MFSD6: variants seen among roughly 807,000 people sequenced by gnomAD.
The protein encoded by MFSD6 is major facilitator superfamily domain containing 6.
Under a neutral mutation model 56.3 loss-of-function variants are expected in MFSD6, and 26 were observed. That is an observed-to-expected ratio of 0.46 (90% CI 0.34 to 0.64). MFSD6 has a LOEUF of 0.64. Ranked by LOEUF, MFSD6 falls within the 30% of genes least tolerant of loss-of-function variation. The probability of loss-of-function intolerance (pLI) is 0.01; values close to 1 mark genes in which losing one functional copy is unlikely to be tolerated. For missense variants in MFSD6, 750 were observed against 986.2 expected, an observed-to-expected ratio of 0.76 and a Z score of 3.21; for synonymous variants, 331 against 366.9, an observed-to-expected ratio of 0.90 and a Z score of 1.12.
rs1350689807 is a variant in MFSD6, at chr2:190,494,880, C to T, written c.1892-2559C>T. On this transcript the variant is annotated intron_variant, in intron 6 of 7. Transcript: ENST00000392328. The surrounding 1 kb of genome is among the most constrained non-coding windows in gnomAD (Gnocchi z 5.7). ...AAATAAAAGCCATTTGTGATAAACC[C>T]ACAGCCAACATAATACTGAACAGGG... 6.6e-6 allele frequency among the ~76,000 whole-genome samples: 1 copy of T among 152,096 alleles called. No homozygotes were observed. Among genetic ancestry groups the T allele is most frequent in the African/African-American group, 2.4e-5 (1 of 41,430 alleles).
chr2:190,493,298 T>C (rs898567962), intron 6 of MFSD6, among the ~76,000 whole-genome samples: 5 of 152,282 alleles, frequency 3.3e-5, no homozygotes, highest in Admixed American at 1.3e-4. Context: ...TGACATTATA[T>C]AATGATAAAA....
At chr2:190,486,116 T>C (rs1472324644) in intron 4 of MFSD6, among the ~76,000 whole-genome samples, 2 of 152,264 alleles carry the variant, frequency 1.3e-5, no homozygotes, top group South Asian at 2.1e-4. Context: ...TTTAAGATTA[T>C]GTAGATGAGA....
At position 190,461,235 on chromosome 2, in the gene MFSD6, GTT is replaced by G. The variant is rs898177582; in HGVS notation, c.1533-8521_1533-8520del. ...ACATCACACATCATTTAATGGGTCT[GTT>G]TCTACTGCATGAAACACAGTGACTT... is the stretch of plus-strand genomic sequence containing the variant. On this transcript the variant is annotated intron_variant, in intron 3 of 7. Coordinates refer to ENST00000392328, the MANE Select transcript of MFSD6 (RefSeq NM_017694.4). This position sits in a 1 kb window ranked among gnomAD's most constrained non-coding sequence, Gnocchi z 5.5. Among the ~76,000 whole-genome samples the G allele has an allele frequency of 5.3e-4, 80 of 152,342 alleles. No individual in the cohort carries two copies. Among genetic ancestry groups the G allele is most frequent in the African/African-American group, 1.8e-3 (75 of 41,586 alleles).
rs1687774954 is a variant in MFSD6, at chr2:190,469,223, G to C, written c.1533-535G>C. Among the ~76,000 whole-genome samples the C allele has an allele frequency of 6.6e-6, 1 of 152,170 alleles. No homozygotes were observed. Among genetic ancestry groups the C allele is most frequent in the Admixed American group, 6.5e-5 (1 of 15,280 alleles). On this transcript the variant is annotated intron_variant, in intron 3 of 7. Coordinates refer to ENST00000392328, the MANE Select transcript of MFSD6 (RefSeq NM_017694.4). This position sits in a 1 kb window ranked among gnomAD's most constrained non-coding sequence, Gnocchi z 5.3. ...ATTTCCAAATAGTTTATAGTAGTTA[G>C]TGAATGATAGTTTTCAATGACCTTC... is the stretch of plus-strand genomic sequence containing the variant.
chr2:190,421,686 G>T (rs1014302968), intron 2 of MFSD6, among the ~76,000 whole-genome samples: 2 of 151,858 alleles, frequency 1.3e-5, no homozygotes, highest in Non-Finnish European at 2.9e-5. Context: ...ATCCCAAGTA[G>T]CTGGGACTGT....
rs1686063006 is a variant in MFSD6, at chr2:190,433,122, A to C, written c.-53-2855A>C. ...ATTATGACTTTTACAGTGTGTGTGT[A>C]TGTTTGGGTGTGTGTGTGTTTATTG... On this transcript the variant is annotated intron_variant, in intron 2 of 7. Coordinates refer to ENST00000392328, the MANE Select transcript of MFSD6 (RefSeq NM_017694.4). The surrounding 1 kb of genome is among the most constrained non-coding windows in gnomAD (Gnocchi z 4.5). 6.6e-6 allele frequency among the ~76,000 whole-genome samples: 1 copy of C among 151,876 alleles called. No homozygotes were observed. Among genetic ancestry groups the C allele is most frequent in the Non-Finnish European group, 1.5e-5 (1 of 67,940 alleles).
intron 2 of MFSD6, among the ~76,000 whole-genome samples, chr2:190,430,798 G>GC (rs1331734168): frequency 1.9e-3 from 226 of 121,288 alleles, no homozygotes; most frequent in African/African-American, 4.2e-3. Flanking sequence ...GGGCAGAGGC[G>GC]CCCCCCCCAC....
rs544591315 is a variant in MFSD6 at position 190,482,903 on chromosome 2, T to TTTTTTTTTTTTTTTTTTTTTG, written c.1631-5754_1631-5753insTTTTTTTTTTTTTTTTTTTTG. Among the ~76,000 whole-genome samples, 59 of 86,250 alleles carry TTTTTTTTTTTTTTTTTTTTTG rather than the reference T, an allele frequency of 6.8e-4. 24 individuals are homozygous for TTTTTTTTTTTTTTTTTTTTTG. The highest frequency in any genetic ancestry group is 8.6e-4 in the Non-Finnish European group (40 of 46,502). The allele number at this position is 86,250 out of a possible 152,430, so 56.6% of individuals were successfully genotyped here. A position where few individuals can be genotyped will look rare whatever the true frequency, so the allele number is the denominator to read the frequency against. On this transcript the variant is annotated intron_variant, in intron 4 of 7. Coordinates refer to ENST00000392328, the MANE Select transcript of MFSD6 (RefSeq NM_017694.4). ...TTTTTTTTTTTTTTTTTTTTTTTTT[T>TTTTTTTTTTTTTTTTTTTTTG]AGACGGAGTCTCACTCTGTCGCCCA...
rs1685733645 is a variant in MFSD6, at chr2:190,424,664, A to G, written c.-54+9251A>G. On this transcript the variant is annotated intron_variant, in intron 2 of 7. Coordinates refer to ENST00000392328, the MANE Select transcript of MFSD6 (RefSeq NM_017694.4). The surrounding 1 kb of genome is among the most constrained non-coding windows in gnomAD (Gnocchi z 5.9). ...TCATTATTTTTGCCCATGGATGTCTAATTACCTCAGCACCATTTGTTGAAA... is the reference window on the plus strand; with the variant it reads ...TCATTATTTTTGCCCATGGATGTCTGATTACCTCAGCACCATTTGTTGAAA... 1.3e-5 allele frequency among the ~76,000 whole-genome samples: 2 copies of G among 152,110 alleles called. No individual in the cohort carries two copies. The highest frequency in any genetic ancestry group is 2.9e-5 in the Non-Finnish European group (2 of 68,026).
rs563452197 is a variant in MFSD6 at position 190,491,017 on chromosome 2, A to G, written c.1891+1151A>G. Among the ~76,000 whole-genome samples the G allele has an allele frequency of 1.3e-5, 2 of 152,336 alleles. No individual in the cohort carries two copies. The highest frequency in any genetic ancestry group is 4.1e-4 in the South Asian group (2 of 4,826). On this transcript the variant is annotated intron_variant, in intron 6 of 7. Coordinates refer to ENST00000392328, the MANE Select transcript of MFSD6 (RefSeq NM_017694.4). This position sits in a 1 kb window ranked among gnomAD's most constrained non-coding sequence, Gnocchi z 4.2. Reference sequence around the variant, plus strand: ...ATGTAAAAGACCAATAAAAATAACTATCATGGCTCTCCCAAAGTTATAAGA... The same window carrying G: ...ATGTAAAAGACCAATAAAAATAACTGTCATGGCTCTCCCAAAGTTATAAGA...
rs1575823759 is a variant in MFSD6, at chr2:190,424,933, G to A, written c.-54+9520G>A. On this transcript the variant is annotated intron_variant, in intron 2 of 7. Coordinates refer to ENST00000392328, the MANE Select transcript of MFSD6 (RefSeq NM_017694.4). The surrounding 1 kb of genome is among the most constrained non-coding windows in gnomAD (Gnocchi z 5.9). Reference sequence around the variant, plus strand: ...TCTATATCTACAAAAATATGTTGCTGAGATTTTGATAGGAGTTGTGTTAAA... The same window carrying A: ...TCTATATCTACAAAAATATGTTGCTAAGATTTTGATAGGAGTTGTGTTAAA... Among the ~76,000 whole-genome samples, 1 of 152,124 alleles carries A rather than the reference G, an allele frequency of 6.6e-6. No individual in the cohort carries two copies. Among genetic ancestry groups the A allele is most frequent in the East Asian group, 1.9e-4 (1 of 5,198 alleles).
Position 190,438,918 on chromosome 2 carries a change from C to T in MFSD6, c.1532+1357C>T, listed in dbSNP as rs536951925. On this transcript the variant is annotated intron_variant, in intron 3 of 7. Coordinates refer to ENST00000392328, the MANE Select transcript of MFSD6 (RefSeq NM_017694.4). The surrounding 1 kb of genome is among the most constrained non-coding windows in gnomAD (Gnocchi z 5.2). ...TTTTCTTGTTGGTTTGGTTTTGCTT[C>T]GGGAGGTGGTGTTCTGTTCCTTCCC... Among the ~76,000 whole-genome samples, 4 of 152,158 alleles carry T rather than the reference C, an allele frequency of 2.6e-5. No individual in the cohort carries two copies. Among genetic ancestry groups the T allele is most frequent in the African/African-American group, 4.8e-5 (2 of 41,516 alleles).
At chr2:190,411,333 T>C (rs1022159379) in intron 1 of MFSD6, 4 of 445,280 alleles carry the variant, frequency 9.0e-6, no homozygotes, top group South Asian at 9.6e-5. Flanking sequence ...CTAATTTTTA[T>C]TTTTTTAGTA....
At chr2:190,414,486 A>G (rs1292436642) in intron 1 of MFSD6, among the ~76,000 whole-genome samples, 5 of 152,198 alleles carry the variant, frequency 3.3e-5, no homozygotes, top group Non-Finnish European at 4.4e-5. Flanking sequence ...AGTAAACATG[A>G]CACATTTCAA....
At position 190,438,215 on chromosome 2, in the gene MFSD6, T is replaced by TAAA. The variant is rs11379456; in HGVS notation, c.1532+663_1532+665dup. Among the ~76,000 whole-genome samples the TAAA allele has an allele frequency of 8.1e-5, 12 of 148,912 alleles. No homozygotes were observed. Among genetic ancestry groups the TAAA allele is most frequent in the African/African-American group, 2.2e-4 (9 of 40,704 alleles). ...ATTTCCCATGTAATTCTTTTAGTTA[T>TAAA]AAAAAAAAAAATCTATAGGCTGGGC... On this transcript the variant is annotated intron_variant, in intron 3 of 7. Coordinates refer to ENST00000392328, the MANE Select transcript of MFSD6 (RefSeq NM_017694.4). This position sits in a 1 kb window ranked among gnomAD's most constrained non-coding sequence, Gnocchi z 5.2.
chr2:190,495,181 T>C lies in MFSD6; in HGVS notation c.1892-2258T>C, dbSNP rs1039193681. Among the ~76,000 whole-genome samples, 1 of 147,808 alleles carries C rather than the reference T, an allele frequency of 6.8e-6. No homozygotes were observed. Among genetic ancestry groups the C allele is most frequent in the African/African-American group, 2.4e-5 (1 of 41,164 alleles). On this transcript the variant is annotated intron_variant, in intron 6 of 7. Transcript: ENST00000392328. This position sits in a 1 kb window ranked among gnomAD's most constrained non-coding sequence, Gnocchi z 4.7. ...AGGATACAAAATTAATGTACACAAA[T>C]CAGTAGCTCTGCTGTACACCAACAG...
At chr2:190,409,577 C>G (rs958199696) in intron 1 of MFSD6, among the ~76,000 whole-genome samples, 1 of 152,164 alleles carries the variant, frequency 6.6e-6, no homozygotes, top group African/African-American at 2.4e-5. Context: ...TTCCCCTAAT[C>G]CTTCTAGAAG....
At chr2:190,420,582 C>G (rs1170085237) in intron 2 of MFSD6, among the ~76,000 whole-genome samples, 3 of 152,108 alleles carry the variant, frequency 2.0e-5, no homozygotes, top group Non-Finnish European at 4.4e-5. Context: ...TTGTCTCATC[C>G]AGCATATAAA....
Position 190,437,372 on chromosome 2 carries a change from G to A in MFSD6, c.1343G>A (p.Gly448Asp). The A allele has an allele frequency of 6.2e-7, 1 of 1,614,236 alleles. No homozygotes were observed. Among genetic ancestry groups the A allele is most frequent in the Non-Finnish European group, 8.5e-7 (1 of 1,180,050 alleles). ...LIKLLCSVQY[G>D]SVLFVAWFMG... The stretch of plus-strand genomic sequence containing the variant: ...AAGCTGCTCTGCAGCGTGCAGTATG[G>A]CTCAGTGCTGTTTGTGGCTTGGTTC... Residue 448 changes from glycine to aspartate, a missense_variant, in exon 3 of 8, where the codon GGC becomes GAC. Transcript: ENST00000392328. The surrounding 1 kb of genome is among the most constrained non-coding windows in gnomAD (Gnocchi z 5.9).
Sources: allele counts gnomAD v4.1 joint callset (sites outside exome capture counted in the v4.1 genomes callset), GRCh38; gene constraint gnomAD v4.1.1; non-coding constraint Gnocchi (gnomAD v3.1); transcripts MANE v1.5; gene names NCBI Gene and HGNC (gene_info 2026-07-23, HGNC 2026-07-21).